The following CD2AP variants were observed in gnomAD, a reference collection of about 807,000 sequenced individuals.
The protein encoded by CD2AP is CD2-associated protein.
Under a neutral mutation model 85.1 loss-of-function variants are expected in CD2AP, and 46 were observed. The ratio of observed to expected loss-of-function variants is 0.54; its 90% CI spans 0.43 to 0.69. CD2AP has a LOEUF of 0.69. Among genes scored for constraint, CD2AP ranks in the 30% least tolerant of loss-of-function variants. CD2AP has a pLI of 0.00. For missense variants in CD2AP, 769 were observed against 729.5 expected (o/e 1.05, Z -0.62); for synonymous variants, 255 against 252.9 (o/e 1.01, Z -0.08).
intron 1 of CD2AP, among the ~76,000 whole-genome samples, chr6:47,490,162 C>G (rs1019468720): frequency 6.6e-6 from 1 of 152,024 alleles, no homozygotes; most frequent in African/African-American, 2.4e-5. Flanking sequence ...TAAACAAAAA[C>G]TGTAGACATA....
intron 8 of CD2AP, 37 bp from the exon 9 acceptor site, chr6:47,579,348 A>AAAAAT: frequency 5.1e-6 from 6 of 1,167,064 alleles, no homozygotes; most frequent in Non-Finnish European, 5.1e-6. Context: ...AAAAAAAAAA[A>AAAAAT]GGTCTATTGT....
At chr6:47,624,081 A>T in intron 17 of CD2AP, 105 bp from the exon 18 acceptor site, 3 of 956,928 alleles carry the variant, frequency 3.1e-6, no homozygotes, top group Non-Finnish European at 4.9e-6. Flanking sequence ...CTGGAAAAAA[A>T]GTCTGAAGGC....
rs7749045 is a variant in CD2AP, at chr6:47,533,655, A to G, written c.219A>G (p.Glu73=). The change falls in exon 3 of 18, where the codon GAA becomes GAG. Residue 73 remains glutamate, a synonymous_variant. Coordinates refer to ENST00000359314, the MANE Select transcript of CD2AP (RefSeq NM_012120.3). ...ATGACAGTTTGCCCATCAAACGGGA[A>G]AGGCATGGGAATGTAGCAAGTCTTG... The part of the protein sequence containing the change: ...FKDDSLPIKR[E]RHGNVASLVQ... 2,358 of 1,614,094 alleles carry G rather than the reference A, an allele frequency of 1.5e-3. 28 individuals are homozygous for G. The African/African-American group carries it at 0.028, about 19-fold the overall frequency.
At chr6:47,501,045 C>T (rs775596297) in intron 1 of CD2AP, among the ~76,000 whole-genome samples, 13 of 152,282 alleles carry the variant, frequency 8.5e-5, no homozygotes, top group Non-Finnish European at 1.8e-4. Context: ...CTGAGCCTGG[C>T]CTGTGTTTTG....
At chr6:47,581,930 C>T (rs747014445) in intron 10 of CD2AP, 73 bp from the exon 11 acceptor site, 94 of 966,226 alleles carry the variant, frequency 9.7e-5, no homozygotes, top group Non-Finnish European at 1.4e-4. Context: ...CTCATCTTTA[C>T]TTTTTAGAAG....
At chr6:47,599,247 A>G (rs1467417443) in intron 12 of CD2AP, 54 bp from the exon 13 acceptor site, 1 of 1,485,700 alleles carries the variant, frequency 6.7e-7, no homozygotes, top group Non-Finnish European at 9.4e-7. Flanking sequence ...TCACAATTTA[A>G]AAAAAAGTCG....
In CD2AP at chr6:47,625,824, TG is replaced by T. The variant is rs529185529; in HGVS notation, c.*1602del. ...TAATTTACAACTTACATTAGGGGTT[TG>T]GGGGAATGCTAATTATATATTGAGA... On this transcript the variant is annotated 3_prime_UTR_variant, in exon 18 of 18. Transcript: ENST00000359314. 296 of 151,928 alleles carry T rather than the reference TG, an allele frequency of 1.9e-3. No individual in the cohort carries two copies. Among genetic ancestry groups the T allele is most frequent in the African/African-American group, 6.9e-3 (285 of 41,550 alleles). The allele number at this position is 151,928 out of a possible 1,614,324, so 9.4% of individuals were successfully genotyped here. A position where few individuals can be genotyped will look rare whatever the true frequency, so the allele number is the denominator to read the frequency against.
intron 1 of CD2AP, among the ~76,000 whole-genome samples, chr6:47,490,945 A>G (rs911565311): frequency 7.2e-5 from 11 of 152,172 alleles, no homozygotes; most frequent in African/African-American, 2.7e-4. Flanking sequence ...TTATCATTCC[A>G]TATTTAACAA....
chr6:47,565,889 T>TA (rs913593029), intron 5 of CD2AP, among the ~76,000 whole-genome samples: 1 of 152,172 alleles, frequency 6.6e-6, no homozygotes, highest in Non-Finnish European at 1.5e-5. Context: ...TCACTTAGAC[T>TA]AAAAGCCAAA....
intron 2 of CD2AP, among the ~76,000 whole-genome samples, chr6:47,520,564 G>A (rs1766561101): frequency 1.3e-5 from 2 of 152,028 alleles, no homozygotes; most frequent in African/African-American, 4.8e-5. Flanking sequence ...GGGAAGTCCC[G>A]GCTGTATACT....
intron 6 of CD2AP, 89 bp downstream of exon 6, chr6:47,574,340 G>T: frequency 3.9e-6 from 5 of 1,269,146 alleles, no homozygotes; most frequent in Non-Finnish European, 5.7e-6. Flanking sequence ...AACTCTGTTA[G>T]ATTTCTTTTT....
chr6:47,526,538 T>C (rs1766732882), intron 2 of CD2AP, among the ~76,000 whole-genome samples: 1 of 152,304 alleles, frequency 6.6e-6, no homozygotes, highest in Non-Finnish European at 1.5e-5. Flanking sequence ...TTCTTAGATA[T>C]GATTATGTCC....
At chr6:47,587,433 C>T (rs757853019) in intron 11 of CD2AP, among the ~76,000 whole-genome samples, 5 of 152,068 alleles carry the variant, frequency 3.3e-5, no homozygotes, top group Non-Finnish European at 7.4e-5. Context: ...ATTAAACTCT[C>T]ACTTTCTACT....
At chr6:47,580,466 CAAAA>C (rs34686999) in intron 9 of CD2AP, among the ~76,000 whole-genome samples, 3 of 149,430 alleles carry the variant, frequency 2.0e-5, no homozygotes, top group African/African-American at 7.4e-5. Flanking sequence ...ACAAAACAAA[CAAAA>C]AAAAAAACGG....
rs1156771728 is a variant in CD2AP, at chr6:47,606,143, AAT to A, written c.1418-21_1418-20del. The stretch of plus-strand genomic sequence containing the variant: ...AAAAGGTACAGTTCTCTTAGTAAAT[AAT>A]GTTTATTTTTATTTTCTAGATGTTG... On this transcript the variant is annotated intron_variant, in intron 13 of 17. Transcript: ENST00000359314. The A allele has an allele frequency of 8.2e-7, 1 of 1,215,282 alleles. No homozygotes were observed. The highest frequency in any genetic ancestry group is 1.7e-5 in the Admixed American group (1 of 59,192). 75.3% of individuals were successfully genotyped at this position (1,215,282 alleles called of 1,614,324 possible).
intron 5 of CD2AP, among the ~76,000 whole-genome samples, chr6:47,569,110 G>GT (rs1398217675): frequency 6.6e-6 from 1 of 152,154 alleles, no homozygotes; most frequent in Non-Finnish European, 1.5e-5. Flanking sequence ...AGTGTAGAGA[G>GT]TAAGTATAAG....
chr6:47,605,943 CATATACTAAT>C (rs1769258040), intron 13 of CD2AP, among the ~76,000 whole-genome samples: 1 of 151,474 alleles, frequency 6.6e-6, no homozygotes. Context: ...TTAATAAAGT[CATATACTAAT>C]ATAAATGTAT....
At chr6:47,507,563 T>C (rs990905266) in intron 2 of CD2AP, among the ~76,000 whole-genome samples, 4 of 152,074 alleles carry the variant, frequency 2.6e-5, no homozygotes, top group African/African-American at 9.7e-5. Flanking sequence ...TTCAAGCGAT[T>C]CTCCTTGCCT....
At position 47,624,074 on chromosome 6, in the gene CD2AP, GA is replaced by G. The variant is rs1407770467; in HGVS notation, c.1879-105del. 8.7e-5 allele frequency: 79 copies of G among 906,724 alleles called. No homozygotes were observed. In the Middle Eastern group the frequency reaches 9.0e-4, roughly 10 times the overall value. The allele number at this position is 906,724 out of a possible 1,614,324, so 56.2% of individuals were successfully genotyped here. ...CATGGGAAACTGGATTTTAGGTCTG[GA>G]AAAAAAGTCTGAAGGCTTGAAAGTA... On this transcript the variant is annotated intron_variant, in intron 17 of 17. Coordinates refer to ENST00000359314, the MANE Select transcript of CD2AP (RefSeq NM_012120.3).
Sources: gnomAD v4.1 joint callset for allele counts (sites outside exome capture counted in the v4.1 genomes callset) on GRCh38, gnomAD v4.1.1 for gene constraint, MANE v1.5 for transcripts, NCBI Gene and HGNC (gene_info 2026-07-23, HGNC 2026-07-21) for gene names.